Variants in FAR1 observed in about 807,000 individuals in gnomAD.
FAR1 encodes the protein fatty acyl-CoA reductase 1.
A neutral mutation model predicts 61.1 loss-of-function variants in FAR1; 22 were observed. The ratio of observed to expected loss-of-function variants is 0.36; its 90% CI spans 0.26 to 0.51. FAR1 has a LOEUF of 0.51. Among genes scored for constraint, FAR1 ranks in the 20% least tolerant of loss-of-function variants. The probability of loss-of-function intolerance (pLI) is 0.95; values close to 1 mark genes in which losing one functional copy is unlikely to be tolerated. For synonymous variants in FAR1, 206 were observed against 209.7 expected (o/e 0.98, Z 0.15); for missense variants, 359 against 626.9 (o/e 0.57, Z 4.56).
chr11:13,670,440 G>GC (rs1286249057), intron 1 of FAR1, among the ~76,000 whole-genome samples: 1 of 152,046 alleles, frequency 6.6e-6, no homozygotes, highest in African/African-American at 2.4e-5. Flanking sequence ...ACAGAGACAT[G>GC]CCCCACCGCA....
Position 13,708,019 on chromosome 11 carries a change from A to T in FAR1, c.485A>T (p.His162Leu), listed in dbSNP as rs768662232. ...GCATATGCCTACTGTAATCGCAAGC[A>T]TATTGATGAAGTAGTCTATCCACCA... ...STAYAYCNRK[H>L]IDEVVYPPPV... is the part of the protein sequence containing the mutation. Residue 162 changes from histidine (H) to leucine (L), a missense_variant, in exon 4 of 12, where the codon CAT (histidine) becomes CTT (leucine). His to Leu is a moderately conservative substitution (Grantham distance 99). Coordinates refer to ENST00000354817, the MANE Select transcript of FAR1 (RefSeq NM_032228.6). The T allele has an allele frequency of 1.9e-6, 3 of 1,609,454 alleles. No homozygotes were observed. The African/African-American group carries it at 4.0e-5, about 22-fold the overall frequency.
At chr11:13,714,164 C>A (rs1445603470) in intron 8 of FAR1, among the ~76,000 whole-genome samples, 2 of 151,858 alleles carry the variant, frequency 1.3e-5, no homozygotes, top group Admixed American at 1.3e-4. Flanking sequence ...TAATAAGAGT[C>A]TGGAAAGAGG....
chr11:13,699,054 G>A (rs1848340623), intron 2 of FAR1, among the ~76,000 whole-genome samples: 1 of 152,032 alleles, frequency 6.6e-6, no homozygotes, highest in African/African-American at 2.4e-5. Flanking sequence ...TACTTCCTCT[G>A]CCTGGAAACA....
intron 8 of FAR1, among the ~76,000 whole-genome samples, chr11:13,713,537 C>T (rs1315291694): frequency 6.6e-6 from 1 of 152,030 alleles, no homozygotes; most frequent in Non-Finnish European, 1.5e-5. Context: ...TATACATGTT[C>T]CTAGTTCTAT....
chr11:13,680,810 G>C (rs1405738681), intron 1 of FAR1, among the ~76,000 whole-genome samples: 1 of 152,166 alleles, frequency 6.6e-6, no homozygotes, highest in Non-Finnish European at 1.5e-5. Context: ...TTCAACATGA[G>C]ACTTGGTGGG....
chr11:13,712,841 T>C (rs1404397471), intron 7 of FAR1, 125 bp from the exon 8 acceptor site: 2 of 583,858 alleles, frequency 3.4e-6, no homozygotes, highest in East Asian at 2.8e-5. Flanking sequence ...TTAAGGATAA[T>C]TAAAAAAAAA....
chr11:13,700,412 A>G lies in FAR1; in HGVS notation c.285A>G (p.Glu95=). Residue 95 remains glutamate (E), a synonymous_variant, in exon 3 of 12, where the codon GAA becomes GAG. Transcript: ENST00000354817. The part of the protein sequence containing the change: ...ELTQPKLALS[E]EDKEVIIDST... Reference sequence around the variant, plus strand: ...CCCAACCTAAACTGGCTCTCAGTGAAGAAGATAAAGAGGTGATCATAGATT... The same window carrying G: ...CCCAACCTAAACTGGCTCTCAGTGAGGAAGATAAAGAGGTGATCATAGATT... The G allele has an allele frequency of 6.2e-7, 1 of 1,601,068 alleles. No individual in the cohort carries two copies. The highest frequency in any genetic ancestry group is 8.5e-7 in the Non-Finnish European group (1 of 1,175,200).
chr11:13,691,269 T>C (rs1395553237), intron 1 of FAR1, among the ~76,000 whole-genome samples: 1 of 152,208 alleles, frequency 6.6e-6, no homozygotes, highest in East Asian at 1.9e-4. Flanking sequence ...GTGAAGCCAC[T>C]TTTATGAGGC....
intron 1 of FAR1, among the ~76,000 whole-genome samples, chr11:13,693,537 G>A (rs1191943433): frequency 2.0e-5 from 3 of 152,146 alleles, no homozygotes; most frequent in African/African-American, 7.2e-5. Context: ...TATGCAGAAA[G>A]TAAGACTGTC....
intron 1 of FAR1, among the ~76,000 whole-genome samples, chr11:13,671,045 A>T (rs558406449): frequency 1.6e-3 from 242 of 152,340 alleles, no homozygotes; most frequent in African/African-American, 5.5e-3. Flanking sequence ...ATTATTTATG[A>T]TCTAGAAACA....
intron 1 of FAR1, among the ~76,000 whole-genome samples, chr11:13,683,778 A>T (rs147684629): frequency 3.3e-5 from 5 of 152,200 alleles, no homozygotes; most frequent in Non-Finnish European, 1.5e-5. Context: ...ACTTCCAGGT[A>T]TAGCTATAGG....
In FAR1 at chr11:13,694,646, A is replaced by G. The variant is rs947261604; in HGVS notation, c.-7-113A>G. 2.0e-5 allele frequency: 18 copies of G among 888,222 alleles called. No homozygotes were observed. The African/African-American group carries it at 2.9e-4, about 14-fold the overall frequency. 55.0% of individuals were successfully genotyped at this position (888,222 alleles called of 1,614,324 possible). ...TAGAGTCCTCTCTTGTTAATGTTCTATTTTGACTTTTGTCTGCTTTTTAAA... is the reference window on the plus strand; with the variant it reads ...TAGAGTCCTCTCTTGTTAATGTTCTGTTTTGACTTTTGTCTGCTTTTTAAA... On this transcript the variant is annotated intron_variant, in intron 1 of 11. Coordinates refer to ENST00000354817, the MANE Select transcript of FAR1 (RefSeq NM_032228.6).
intron 1 of FAR1, among the ~76,000 whole-genome samples, chr11:13,682,953 TC>T (rs1245952700): frequency 6.6e-6 from 1 of 152,198 alleles, no homozygotes; most frequent in Non-Finnish European, 1.5e-5. Flanking sequence ...AGTTATTTTT[TC>T]TTCTACTTTT....
At chr11:13,674,520 A>G (rs1336262459) in intron 1 of FAR1, among the ~76,000 whole-genome samples, 2 of 152,084 alleles carry the variant, frequency 1.3e-5, no homozygotes, top group East Asian at 3.9e-4. Flanking sequence ...CCTTCTTTCT[A>G]ATTAAAAACA....
intron 1 of FAR1, among the ~76,000 whole-genome samples, chr11:13,692,037 G>A (rs1317209534): frequency 2.6e-5 from 4 of 152,064 alleles, no homozygotes; most frequent in Non-Finnish European, 2.9e-5. Flanking sequence ...GCGTGGTGGC[G>A]GGCACCTGTA....
intron 3 of FAR1, among the ~76,000 whole-genome samples, chr11:13,701,406 A>G (rs769973505): frequency 2.5e-4 from 38 of 152,138 alleles, no homozygotes; most frequent in Non-Finnish European, 4.7e-4. Context: ...TACAGTTATG[A>G]TATGTCAATT....
chr11:13,722,548 A>G (rs1848622005), intron 10 of FAR1, among the ~76,000 whole-genome samples: 1 of 151,740 alleles, frequency 6.6e-6, no homozygotes, highest in African/African-American at 2.4e-5. Flanking sequence ...ATCTTGGCTC[A>G]CTGCAACCTC....
At position 13,711,972 on chromosome 11, in the gene FAR1, C is replaced by G. The variant is rs376775296; in HGVS notation, c.813C>G (p.Ala271=). ...GAACAATACGTGCCTCCAACAATGC[C>G]CTTGCAGATCTTGTTCCTGTAGATG... is the stretch of plus-strand genomic sequence containing the variant. ...ILRTIRASNN[A]LADLVPVDVV... Residue 271 remains alanine, a synonymous_variant, in exon 7 of 12, where the codon GCC becomes GCG. Coordinates refer to ENST00000354817, the MANE Select transcript of FAR1 (RefSeq NM_032228.6). 1.2e-6 allele frequency: 2 copies of G among 1,613,306 alleles called. No individual in the cohort carries two copies. The highest frequency in any genetic ancestry group is 2.2e-5 in the East Asian group (1 of 44,832).
intron 2 of FAR1, among the ~76,000 whole-genome samples, chr11:13,698,012 C>G (rs1034240555): frequency 2.6e-5 from 4 of 152,078 alleles, no homozygotes; most frequent in African/African-American, 9.7e-5. Context: ...AAACTCTTTT[C>G]TACTCCCAGG....
Sources: allele counts gnomAD v4.1 joint callset (sites outside exome capture counted in the v4.1 genomes callset), GRCh38; gene constraint gnomAD v4.1.1; transcripts MANE v1.5; gene names NCBI Gene and HGNC (gene_info 2026-07-23, HGNC 2026-07-21).